CACNB4: variants seen among roughly 807,000 people sequenced by gnomAD.
The protein encoded by CACNB4 is voltage-dependent L-type calcium channel subunit beta-4.
CACNB4 carries 32 observed loss-of-function variants against 71.2 expected under a neutral mutation model. The ratio of observed to expected loss-of-function variants is 0.45; its 90% CI spans 0.34 to 0.60. The LOEUF (loss-of-function observed/expected upper bound fraction) is 0.60. Ranked by LOEUF, CACNB4 falls within the 20% of genes least tolerant of loss-of-function variation. The pLI, the probability that CACNB4 is intolerant of heterozygous loss-of-function variation, is 0.01. For synonymous variants in CACNB4, 231 were observed against 236.9 expected, an observed-to-expected ratio of 0.97 and a Z score of 0.23; for missense variants, 464 against 647.9, an observed-to-expected ratio of 0.72 and a Z score of 3.08.
At chr2:152,049,459 C>T (rs574592394) in intron 2 of CACNB4, among the ~76,000 whole-genome samples, 1 of 152,266 alleles carries the variant, frequency 6.6e-6, no homozygotes, top group East Asian at 1.9e-4. Context: ...CCTGCATTCT[C>T]TTTCCCTCTC....
chr2:151,979,281 C>T (rs1451826168), intron 2 of CACNB4, among the ~76,000 whole-genome samples: 12 of 152,192 alleles, frequency 7.9e-5, no homozygotes, highest in African/African-American at 2.4e-5. Context: ...TATGGACTAG[C>T]TCCCCTCCTC....
chr2:151,959,847 T>G (rs564275319), intron 2 of CACNB4, among the ~76,000 whole-genome samples: 3 of 152,228 alleles, frequency 2.0e-5, no homozygotes, highest in Non-Finnish European at 4.4e-5. Context: ...ATATCTTGCA[T>G]AATTTGCATA....
At chr2:152,097,870 C>A (rs1688357280) in intron 2 of CACNB4, among the ~76,000 whole-genome samples, 1 of 152,178 alleles carries the variant, frequency 6.6e-6, no homozygotes, top group Admixed American at 6.5e-5. Context: ...GACGATCTCT[C>A]CCAAGATCCA....
intron 2 of CACNB4, among the ~76,000 whole-genome samples, chr2:152,092,254 T>C (rs1309863652): frequency 6.6e-6 from 1 of 152,280 alleles, no homozygotes; most frequent in African/African-American, 2.4e-5. Flanking sequence ...AAATTTTGCA[T>C]ATATACATGC....
intron 2 of CACNB4, among the ~76,000 whole-genome samples, chr2:151,954,850 CTTTTTTTTTT>C (rs34054917): frequency 3.2e-5 from 3 of 94,924 alleles, no homozygotes; most frequent in Admixed American, 1.5e-4. Context: ...CAAGTCAGCA[CTTTTTTTTTT>C]TTTTTTTTTT....
chr2:151,903,430 A>G (rs1406653137), intron 2 of CACNB4, among the ~76,000 whole-genome samples: 1 of 152,150 alleles, frequency 6.6e-6, no homozygotes, highest in Non-Finnish European at 1.5e-5. Flanking sequence ...AAAGCAGGAG[A>G]ATCACTTGAA....
intron 2 of CACNB4, among the ~76,000 whole-genome samples, chr2:151,924,678 A>C (rs1204671124): frequency 1.3e-5 from 2 of 152,182 alleles, no homozygotes; most frequent in Non-Finnish European, 2.9e-5. Context: ...TGGATGAATA[A>C]GAGAAGTTCT....
At chr2:152,021,942 G>A (rs959099752) in intron 2 of CACNB4, among the ~76,000 whole-genome samples, 9 of 152,172 alleles carry the variant, frequency 5.9e-5, no homozygotes, top group African/African-American at 1.2e-4. Context: ...GGTATTTAAA[G>A]TCAAGGCTAT....
At chr2:151,906,723 T>C (rs1261779870) in intron 2 of CACNB4, among the ~76,000 whole-genome samples, 1 of 152,188 alleles carries the variant, frequency 6.6e-6, no homozygotes, top group Non-Finnish European at 1.5e-5. Context: ...CAGGCTCTTG[T>C]CTTTTGTCCA....
At position 152,035,630 on chromosome 2, in the gene CACNB4, C is replaced by CCTCT. The variant is rs369495604; in HGVS notation, c.147+62696_147+62699dup. The stretch of plus-strand genomic sequence containing the variant: ...CTCTCTCTCTCTCTCCCTCCCTCTC[C>CCTCT]CTCTCTCTCTCTCTCTCTCTCTATA... On this transcript the variant is annotated intron_variant, in intron 2 of 13. Transcript: ENST00000539935. Among the ~76,000 whole-genome samples the CCTCT allele has an allele frequency of 9.7e-3, 902 of 93,246 alleles. 23 individuals carry two copies. The highest frequency in any genetic ancestry group is 0.025 in the Middle Eastern group (4 of 158). 61.2% of individuals were successfully genotyped at this position (93,246 alleles called of 152,430 possible).
intron 2 of CACNB4, among the ~76,000 whole-genome samples, chr2:151,884,424 C>G (rs959333166): frequency 2.0e-5 from 3 of 150,374 alleles, no homozygotes; most frequent in African/African-American, 7.3e-5. Context: ...GAGTTCGACA[C>G]CAGCCTGGCT....
At chr2:151,971,534 C>T (rs1560095327) in intron 2 of CACNB4, 3 of 702,922 alleles carry the variant, frequency 4.3e-6, no homozygotes, top group Non-Finnish European at 7.8e-6. Flanking sequence ...TGGACAACCC[C>T]CCACACTTAC....
At chr2:151,882,181 C>CTTTTTTTTT (rs35206904) in intron 3 of CACNB4, among the ~76,000 whole-genome samples, 1 of 50,794 alleles carries the variant, frequency 2.0e-5, no homozygotes, top group Non-Finnish European at 3.8e-5. Flanking sequence ...ACCGGCCCCT[C>CTTTTTTTTT]TTTTTTTTTT....
At position 151,979,676 on chromosome 2, in the gene CACNB4, A is replaced by C. The variant is rs1408952202; in HGVS notation, c.148-96306T>G. Among the ~76,000 whole-genome samples, 5 of 152,292 alleles carry C rather than the reference A, an allele frequency of 3.3e-5. No individual in the cohort carries two copies. The East Asian group carries it at 9.7e-4, about 29-fold the overall frequency. ...TTCGAATTGTTGACTGGTCCACACT[A>C]CTGGAGAGACTGGAATGTGAAGATC... On this transcript the variant is annotated intron_variant, in intron 2 of 13. Coordinates refer to ENST00000539935, the MANE Select transcript of CACNB4 (RefSeq NM_000726.5).
chr2:151,861,932 A>G (rs577172466), intron 9 of CACNB4, among the ~76,000 whole-genome samples: 3 of 152,164 alleles, frequency 2.0e-5, no homozygotes, highest in East Asian at 3.9e-4. Context: ...TCAAATGAGA[A>G]TATCTGCAAC....
Position 151,839,353 on chromosome 2 carries a change from G to A in CACNB4, c.1329C>T (p.His443=). 1.2e-6 allele frequency: 2 copies of A among 1,611,128 alleles called. No individual in the cohort carries two copies. The highest frequency in any genetic ancestry group is 2.2e-5 in the East Asian group (1 of 44,838). The change falls in exon 14 of 14, where the codon CAC becomes CAT. Residue 443 remains histidine (H), a synonymous_variant. Coordinates refer to ENST00000539935, the MANE Select transcript of CACNB4 (RefSeq NM_000726.5). ...TTTCAATTGGAGAGTTCTCTGTGGAGTGGTTGCTGTGCCTCATTCGCTGAC... is the reference window on the plus strand; with the variant it reads ...TTTCAATTGGAGAGTTCTCTGTGGAATGGTTGCTGTGCCTCATTCGCTGAC... The part of the protein sequence containing the change: ...LQSQRMRHSN[H]STENSPIERR...
chr2:152,097,427 A>G (rs1439160245), intron 2 of CACNB4, among the ~76,000 whole-genome samples: 1 of 152,126 alleles, frequency 6.6e-6, no homozygotes, highest in Non-Finnish European at 1.5e-5. Context: ...GCGATGACCA[A>G]TGTCTTCCTA....
At chr2:152,087,562 ACT>A (rs1286055669) in intron 2 of CACNB4, among the ~76,000 whole-genome samples, 1 of 152,136 alleles carries the variant, frequency 6.6e-6, no homozygotes, top group Non-Finnish European at 1.5e-5. Context: ...CATCTCTGAC[ACT>A]GACTTAAGGA....
intron 2 of CACNB4, among the ~76,000 whole-genome samples, chr2:151,954,878 G>A (rs1234098515): frequency 2.3e-4 from 26 of 110,682 alleles, no homozygotes; most frequent in African/African-American, 8.6e-4. Flanking sequence ...TTTTGAGATG[G>A]AGTCTCGCTC....
Sources: allele counts gnomAD v4.1 joint callset (sites outside exome capture counted in the v4.1 genomes callset), GRCh38; gene constraint gnomAD v4.1.1; transcripts MANE v1.5; gene names NCBI Gene and HGNC (gene_info 2026-07-23, HGNC 2026-07-21).